The following CYP20A1 variants were observed in gnomAD, a reference collection of about 807,000 sequenced individuals.
CYP20A1 encodes the protein cytochrome P450 family 20 subfamily A member 1.
CYP20A1 carries 61 observed loss-of-function variants against 61.4 expected under a neutral mutation model. The ratio of observed to expected loss-of-function variants is 0.99; its 90% CI spans 0.81 to 1.23. The LOEUF is 1.23. CYP20A1 is among the 50% of genes most tolerant of loss of function. The probability of loss-of-function intolerance (pLI) is 0.00; values close to 1 mark genes in which losing one functional copy is unlikely to be tolerated. For synonymous variants in CYP20A1, 193 were observed against 188.2 expected (o/e 1.03, Z -0.21); for missense variants, 530 against 542.4 (o/e 0.98, Z 0.23).
chr2:203,289,245 G>A (rs1409253499), intron 9 of CYP20A1, among the ~76,000 whole-genome samples: 1 of 151,936 alleles, frequency 6.6e-6, no homozygotes, highest in Non-Finnish European at 1.5e-5. Context: ...ATTGCTTTTT[G>A]TATTCTCCGT....
At chr2:203,257,272 G>A (rs2066926536) in intron 4 of CYP20A1, among the ~76,000 whole-genome samples, 3 of 149,242 alleles carry the variant, frequency 2.0e-5, no homozygotes, top group South Asian at 2.1e-4. Flanking sequence ...GTGAGCCAAG[G>A]TTGCGCCACT....
At chr2:203,278,787 G>A in intron 7 of CYP20A1, 99 bp downstream of exon 7, 2 of 626,692 alleles carry the variant, frequency 3.2e-6, no homozygotes, top group Non-Finnish European at 5.4e-6. Flanking sequence ...GGGTGAGGTG[G>A]GAGGATCACT....
chr2:203,249,135 CCT>C (rs1334108553), intron 3 of CYP20A1, among the ~76,000 whole-genome samples: 1 of 152,106 alleles, frequency 6.6e-6, no homozygotes, highest in Non-Finnish European at 1.5e-5. Context: ...TGTAGATAAA[CCT>C]CTTACAATGG....
At chr2:203,281,440 T>C (rs569013639) in intron 8 of CYP20A1, among the ~76,000 whole-genome samples, 1 of 151,872 alleles carries the variant, frequency 6.6e-6, no homozygotes, top group East Asian at 1.9e-4. Context: ...GCCCAGGAGG[T>C]TGAGGTTGCA....
At chr2:203,251,601 C>T (rs2066671893) in intron 3 of CYP20A1, among the ~76,000 whole-genome samples, 1 of 150,582 alleles carries the variant, frequency 6.6e-6, no homozygotes, top group African/African-American at 2.4e-5. Context: ...GAAACCCCGT[C>T]TCTACTAGAA....
intron 5 of CYP20A1, among the ~76,000 whole-genome samples, chr2:203,271,175 C>T (rs1253301463): frequency 2.1e-5 from 3 of 144,602 alleles, no homozygotes; most frequent in African/African-American, 5.1e-5. Context: ...GCAAGCTCCG[C>T]CTCCCGGGTT....
chr2:203,280,168 A>T, intron 8 of CYP20A1, 55 bp downstream of exon 8: 1 of 1,377,484 alleles, frequency 7.3e-7, no homozygotes, highest in Non-Finnish European at 1.0e-6. Flanking sequence ...TAGGCTGAGC[A>T]CAGTGGCTCA....
intron 1 of CYP20A1, among the ~76,000 whole-genome samples, chr2:203,242,390 G>A (rs2066283714): frequency 6.6e-6 from 1 of 152,138 alleles, no homozygotes; most frequent in Non-Finnish European, 1.5e-5. Context: ...TGCAGTAAAG[G>A]GGGCTGATAA....
At chr2:203,250,577 G>T (rs1451896846) in intron 3 of CYP20A1, among the ~76,000 whole-genome samples, 1 of 152,160 alleles carries the variant, frequency 6.6e-6, no homozygotes, top group Non-Finnish European at 1.5e-5. Flanking sequence ...AGATGGCTCT[G>T]TCAGGGAATA....
intron 11 of CYP20A1, among the ~76,000 whole-genome samples, chr2:203,294,727 C>T (rs184379976): frequency 0.054 from 8,183 of 150,868 alleles, 265 homozygotes; most frequent in Non-Finnish European, 0.077. Context: ...CTCCGCCTCC[C>T]GGGTTCAAGC....
chr2:203,301,850 C>G lies in CYP20A1; in HGVS notation c.*4942C>G, dbSNP rs1200938771. Among the ~76,000 whole-genome samples, 1 of 146,458 alleles carries G rather than the reference C, an allele frequency of 6.8e-6. No individual in the cohort carries two copies. The highest frequency in any genetic ancestry group is 2.5e-5 in the African/African-American group (1 of 39,742). ...TATTGTAGAAAAATCTAGGAAAACA[C>G]AAAAATGTCAAACTCAGTTAACAGT... On this transcript the variant is annotated 3_prime_UTR_variant, in exon 13 of 13. Transcript: ENST00000356079.
intron 8 of CYP20A1, among the ~76,000 whole-genome samples, chr2:203,285,263 C>T (rs1253799591): frequency 1.3e-5 from 2 of 151,956 alleles, no homozygotes; most frequent in African/African-American, 2.4e-5. Flanking sequence ...TGAGATAATC[C>T]ATTGCAACAG....
At chr2:203,289,953 T>G in intron 10 of CYP20A1, 77 bp downstream of exon 10, 1 of 597,818 alleles carries the variant, frequency 1.7e-6, no homozygotes, top group African/African-American at 1.9e-5. Flanking sequence ...TATATATATA[T>G]ATTTTAGACA....
intron 8 of CYP20A1, among the ~76,000 whole-genome samples, chr2:203,284,281 G>A (rs953820400): frequency 2.0e-5 from 3 of 152,124 alleles, no homozygotes; most frequent in Non-Finnish European, 4.4e-5. Flanking sequence ...CAAGTTACTA[G>A]AAGGATATTA....
chr2:203,296,723 A>G, intron 12 of CYP20A1, 35 bp from the exon 13 acceptor site: 1 of 1,561,618 alleles, frequency 6.4e-7, no homozygotes, highest in Non-Finnish European at 8.6e-7. Context: ...ATAATTTTTA[A>G]TCTTTAGTAA....
At position 203,295,269 on chromosome 2, in the gene CYP20A1, C is replaced by A. The variant is rs184497228; in HGVS notation, c.1149-1205C>A. On this transcript the variant is annotated intron_variant, in intron 11 of 12. Transcript: ENST00000356079. ...CAAAAATTTTTAATAGAGATGAGGT[C>A]TCGCTATGTTGCCCAGGCTGGTCTC... Among the ~76,000 whole-genome samples, 88 of 151,726 alleles carry A rather than the reference C, an allele frequency of 5.8e-4. No homozygotes were observed. The East Asian group carries it at 0.016, about 27-fold the overall frequency.
intron 11 of CYP20A1, among the ~76,000 whole-genome samples, chr2:203,292,537 C>T (rs149880174): frequency 7.4e-4 from 113 of 152,310 alleles, no homozygotes; most frequent in African/African-American, 2.6e-3. Context: ...CTTCTCACTG[C>T]AGCTTCGACC....
Position 203,304,399 on chromosome 2 carries a change from A to G in CYP20A1, c.*7491A>G, listed in dbSNP as rs937946371. On this transcript the variant is annotated 3_prime_UTR_variant, in exon 13 of 13. Transcript: ENST00000356079. ...TTTTTAGTAGAGACGGGGTTTCACC[A>G]TGTTAGCCAGGATGGTCTTGATCTC... 6.6e-6 allele frequency among the ~76,000 whole-genome samples: 1 copy of G among 152,026 alleles called. No homozygotes were observed. The highest frequency in any genetic ancestry group is 2.4e-5 in the African/African-American group (1 of 41,426).
intron 4 of CYP20A1, among the ~76,000 whole-genome samples, chr2:203,257,972 G>T (rs2066970675): frequency 7.2e-5 from 11 of 152,288 alleles, no homozygotes; most frequent in South Asian, 2.1e-4. Flanking sequence ...CACAATTATA[G>T]CTCACTGGAG....
Sources: gnomAD v4.1 joint callset for allele counts (sites outside exome capture counted in the v4.1 genomes callset) on GRCh38, gnomAD v4.1.1 for gene constraint, MANE v1.5 for transcripts, NCBI Gene and HGNC (gene_info 2026-07-23, HGNC 2026-07-21) for gene names.